The following STK35 variants were observed in gnomAD, a reference collection of about 807,000 sequenced individuals.
The protein encoded by STK35 is serine/threonine-protein kinase 35.
Under a neutral mutation model 37.3 loss-of-function variants are expected in STK35, and 17 were observed. The observed-to-expected ratio is 0.46, with a 90% CI of 0.31 to 0.68. STK35 has a LOEUF of 0.68. STK35 is among the 30% of genes least tolerant of loss of function. STK35 has a pLI of 0.05. For missense variants in STK35, 595 were observed against 746.7 expected (o/e 0.80, Z 2.37); for synonymous variants, 385 against 319.1 (o/e 1.21, Z -2.20).
intron 2 of STK35, among the ~76,000 whole-genome samples, 155 bp from the exon 3 acceptor site, chr20:2,116,511 A>G (rs921546725): frequency 2.0e-5 from 3 of 152,228 alleles, no homozygotes; most frequent in African/African-American, 4.8e-5. Context: ...TGCCTGTGTC[A>G]TACCTTAGAA....
At chr20:2,130,590 T>G (rs1242796906) in intron 3 of STK35, among the ~76,000 whole-genome samples, 1 of 152,154 alleles carries the variant, frequency 6.6e-6, no homozygotes, top group African/African-American at 2.4e-5. Context: ...CTCTCTTTAT[T>G]TATTTATTTT....
At chr20:2,128,982 G>A (rs554783657) in intron 3 of STK35, among the ~76,000 whole-genome samples, 3 of 152,058 alleles carry the variant, frequency 2.0e-5, no homozygotes, top group South Asian at 2.1e-4. Context: ...ATGCCACCAC[G>A]CCCAGCTAAT....
intron 3 of STK35, among the ~76,000 whole-genome samples, chr20:2,139,692 C>T (rs191591525): frequency 6.6e-6 from 1 of 152,262 alleles, no homozygotes; most frequent in Non-Finnish European, 1.5e-5. Flanking sequence ...GTAAAACACT[C>T]GATCCTTTAA....
At chr20:2,116,568 T>C in intron 2 of STK35, 98 bp from the exon 3 acceptor site, 1 of 1,337,942 alleles carries the variant, frequency 7.5e-7, no homozygotes, top group Non-Finnish European at 1.0e-6. Context: ...CAGTTGTTTG[T>C]CACCAATGTC....
Position 2,116,696 on chromosome 20 carries a change from C to A in STK35, c.923C>A (p.Pro308His). 6.2e-7 allele frequency: 1 copy of A among 1,614,034 alleles called. No homozygotes were observed. The highest frequency in any genetic ancestry group is 8.5e-7 in the Non-Finnish European group (1 of 1,179,930). The change falls in exon 3 of 4, where the codon CCC becomes CAC. Residue 308 changes from proline (P) to histidine (H), a missense_variant. Around this residue, in one of 3 missense-constraint regions of STK35, gnomAD observed 97 missense variants for 146.4 expected, o/e 0.66. Coordinates refer to ENST00000381482, the MANE Select transcript of STK35 (RefSeq NM_080836.4). ...AGGATCCTGGGTTATGCTGAGGAGC[C>A]CTGCTATCTCTGGTTTGTCATGGAG... ...GERILGYAEE[P>H]CYLWFVMEFC... is the part of the protein sequence containing the mutation.
At position 2,103,300 on chromosome 20, in the gene STK35, A is replaced by G. The variant is rs760397559; in HGVS notation, c.827A>G (p.Gln276Arg). 1 of 1,612,892 alleles carries G rather than the reference A, an allele frequency of 6.2e-7. No individual in the cohort carries two copies. Among genetic ancestry groups the G allele is most frequent in the Non-Finnish European group, 8.5e-7 (1 of 1,179,740 alleles). Residue 276 changes from glutamine to arginine, a missense_variant, in exon 2 of 4, where the codon CAG (glutamine) becomes CGG (arginine). By Grantham distance (43) the Gln-to-Arg change is conservative (BLOSUM62 1). Transcript: ENST00000381482. ...ECVLQRNGLAQRMSHGNKSSQ... is the reference protein window; with the variant it reads ...ECVLQRNGLARRMSHGNKSSQ... Reference sequence around the variant, plus strand: ...GTCCTGCAGCGCAATGGGTTAGCCCAGCGCATGAGTCACGGCAACAAGAGC... The same window carrying G: ...GTCCTGCAGCGCAATGGGTTAGCCCGGCGCATGAGTCACGGCAACAAGAGC...
At chr20:2,127,858 A>C (rs1465662562) in intron 3 of STK35, among the ~76,000 whole-genome samples, 3 of 152,206 alleles carry the variant, frequency 2.0e-5, no homozygotes, top group African/African-American at 7.2e-5. Flanking sequence ...CTTGAGCCTA[A>C]TTATATGAAC....
intron 2 of STK35, among the ~76,000 whole-genome samples, chr20:2,105,349 CTTGTGTCCTCAGTTCA>C (rs1372759928): frequency 6.6e-6 from 1 of 152,146 alleles, no homozygotes; most frequent in East Asian, 1.9e-4. Flanking sequence ...ATGTTTATTC[CTTGTGTCCTCAGTTCA>C]TTGACGCCAG....
chr20:2,139,017 C>A (rs1038554165), intron 3 of STK35, among the ~76,000 whole-genome samples: 1 of 152,116 alleles, frequency 6.6e-6, no homozygotes, highest in East Asian at 1.9e-4. Context: ...CAGAGTGAGA[C>A]CCTGTGTCTT....
At chr20:2,124,011 C>T (rs1985863536) in intron 3 of STK35, among the ~76,000 whole-genome samples, 1 of 152,198 alleles carries the variant, frequency 6.6e-6, no homozygotes, top group Non-Finnish European at 1.5e-5. Context: ...AAGTAAATTC[C>T]TGAAGGTCAC....
Position 2,148,505 on chromosome 20 carries a change from G to A in STK35, c.*4759G>A, listed in dbSNP as rs1015275965. The A allele has an allele frequency of 1.3e-5, 2 of 152,618 alleles. No individual in the cohort carries two copies. The highest frequency in any genetic ancestry group is 2.9e-5 in the Non-Finnish European group (2 of 68,048). 9.5% of individuals were successfully genotyped at this position (152,618 alleles called of 1,614,324 possible). On this transcript the variant is annotated 3_prime_UTR_variant, in exon 4 of 4. Transcript: ENST00000381482. The stretch of plus-strand genomic sequence containing the variant: ...GCTTTGTAAATTAAGGGACGTTTGT[G>A]TGAATAAAGTTATTTGATGGGGTCA...
intron 2 of STK35, among the ~76,000 whole-genome samples, chr20:2,109,796 A>C (rs930580214): frequency 3.9e-5 from 6 of 152,250 alleles, no homozygotes; most frequent in African/African-American, 1.4e-4. Context: ...ATTTATAAAA[A>C]ACTAAACAGA....
chr20:2,102,532 A>G (rs1985414482), intron 1 of STK35, among the ~76,000 whole-genome samples: 1 of 152,238 alleles, frequency 6.6e-6, no homozygotes, highest in Non-Finnish European at 1.5e-5. Context: ...CTACATGACA[A>G]GCTAACAGAG....
intron 2 of STK35, among the ~76,000 whole-genome samples, chr20:2,106,886 T>A (rs1985525931): frequency 6.6e-6 from 1 of 152,180 alleles, no homozygotes; most frequent in African/African-American, 2.4e-5. Flanking sequence ...GCTGCCTGTT[T>A]CACAAGGAAG....
intron 2 of STK35, among the ~76,000 whole-genome samples, chr20:2,115,787 T>G (rs1041869358): frequency 1.1e-4 from 16 of 152,122 alleles, no homozygotes; most frequent in African/African-American, 3.6e-4. Flanking sequence ...ATCCATTCCA[T>G]CTTTCAGCCT....
At chr20:2,143,584 C>G (rs1986205067) in intron 3 of STK35, among the ~76,000 whole-genome samples, 200 bp from the exon 4 acceptor site, 1 of 152,168 alleles carries the variant, frequency 6.6e-6, no homozygotes, top group Admixed American at 6.5e-5. Context: ...AGTTACTTAA[C>G]CTGAGCCTCA....
At chr20:2,124,780 A>AG (rs1489311660) in intron 3 of STK35, among the ~76,000 whole-genome samples, 12 of 152,302 alleles carry the variant, frequency 7.9e-5, no homozygotes, top group African/African-American at 2.6e-4. Flanking sequence ...GTATACAAAG[A>AG]GACATGTCCC....
chr20:2,116,810 G>C lies in STK35; in HGVS notation c.1037G>C (p.Ser346Thr), dbSNP rs1285867891. The change falls in exon 3 of 4, where the codon AGC becomes ACC. Residue 346 changes from serine to threonine, a missense_variant. Physicochemically the swap from Ser to Thr is moderately conservative, Grantham distance 58 (BLOSUM62 1). This residue lies in a region of STK35 where 109 missense variants were observed against 280.3 expected (regional missense o/e 0.39). Transcript: ENST00000381482. ...AAAAGTTTCATGCTACAGCTGACGAGCGCCATTGCCTTCCTGCACAAAAAC... is the reference window on the plus strand; with the variant it reads ...AAAAGTTTCATGCTACAGCTGACGACCGCCATTGCCTTCCTGCACAAAAAC... ...TNKSFMLQLT[S>T]AIAFLHKNHI... 6.2e-7 allele frequency: 1 copy of C among 1,614,148 alleles called. No homozygotes were observed.
intron 3 of STK35, among the ~76,000 whole-genome samples, chr20:2,121,153 T>G (rs1021935102): frequency 5.9e-5 from 9 of 152,158 alleles, no homozygotes; most frequent in African/African-American, 2.2e-4. Context: ...AGATTTTGGC[T>G]TGTGTTTTTG....
Sources: allele counts gnomAD v4.1 joint callset (sites outside exome capture counted in the v4.1 genomes callset), GRCh38; gene constraint gnomAD v4.1.1; regional missense constraint gnomAD v4.1.1; transcripts MANE v1.5; gene names NCBI Gene and HGNC (gene_info 2026-07-23, HGNC 2026-07-21).